SEPTIN14: variants seen among roughly 807,000 people sequenced by gnomAD.
SEPTIN14 encodes septin-14.
SEPTIN14 carries 40 observed loss-of-function variants against 53.6 expected under a neutral mutation model. The ratio of observed to expected loss-of-function variants is 0.75; its 90% confidence interval spans 0.58 to 0.97. SEPTIN14 has a LOEUF of 0.97. Ranked by LOEUF, SEPTIN14 falls within the 50% of genes least tolerant of loss-of-function variation. SEPTIN14 has a pLI of 0.00. For synonymous variants in SEPTIN14, 138 were observed against 166.8 expected (o/e 0.83, Z 1.33); for missense variants, 471 against 508.2 (o/e 0.93, Z 0.70).
intron 6 of SEPTIN14, among the ~76,000 whole-genome samples, chr7:55,833,063 C>T (rs1369726220): frequency 6.6e-6 from 1 of 151,842 alleles, no homozygotes; most frequent in African/African-American, 2.4e-5. Context: ...GCCTGTAATC[C>T]CAGCACTTTG....
intron 9 of SEPTIN14, among the ~76,000 whole-genome samples, chr7:55,800,358 T>G (rs1788505033): frequency 6.6e-6 from 1 of 152,214 alleles, no homozygotes; most frequent in African/African-American, 2.4e-5. Flanking sequence ...GCGCAGTAGC[T>G]CACACCTGTA....
At chr7:55,861,775 C>T (rs773503917) in intron 2 of SEPTIN14, among the ~76,000 whole-genome samples, 168 bp downstream of exon 2, 7 of 152,116 alleles carry the variant, frequency 4.6e-5, no homozygotes, top group African/African-American at 7.2e-5. Context: ...ATCTAAATCA[C>T]CATTGATACT....
chr7:55,794,945 C>T lies in SEPTIN14; in HGVS notation c.*968G>A, dbSNP rs1291237767. Reference sequence around the variant, plus strand: ...GGATTACAGGTGTGAGCCACCACACCTGGCCTTATTTTCTACAACTTTGAT... The same window carrying T: ...GGATTACAGGTGTGAGCCACCACACTTGGCCTTATTTTCTACAACTTTGAT... On this transcript the variant is annotated 3_prime_UTR_variant, in exon 10 of 10. Coordinates refer to ENST00000388975, the MANE Select transcript of SEPTIN14 (RefSeq NM_207366.3). 6.6e-6 allele frequency: 1 copy of T among 152,168 alleles called. No individual in the cohort carries two copies. Among genetic ancestry groups the T allele is most frequent in the Non-Finnish European group, 1.5e-5 (1 of 68,032 alleles). The allele number at this position is 152,168 out of a possible 1,614,324, so 9.4% of individuals were successfully genotyped here. A position where few individuals can be genotyped will look rare whatever the true frequency, so the allele number is the denominator to read the frequency against.
intron 6 of SEPTIN14, among the ~76,000 whole-genome samples, chr7:55,825,882 C>T (rs943063837): frequency 3.3e-5 from 5 of 152,172 alleles, no homozygotes; most frequent in African/African-American, 1.2e-4. Flanking sequence ...GCGGGTGGAT[C>T]ACGAGGTCAG....
intron 6 of SEPTIN14, among the ~76,000 whole-genome samples, chr7:55,830,704 T>A (rs746995692): frequency 1.5e-4 from 23 of 151,898 alleles, no homozygotes; most frequent in Non-Finnish European, 2.1e-4. Context: ...AATAGTTTTA[T>A]ATTCCTTTAA....
chr7:55,834,305 T>A lies in SEPTIN14; in HGVS notation c.720+120A>T, dbSNP rs1302617496. ...TGAATTAAATCTAAATAAATCTGTT[T>A]ACAAAGAATCGATTCTCAGCAGAAG... is the stretch of plus-strand genomic sequence containing the variant. On this transcript the variant is annotated intron_variant, in intron 6 of 9. Transcript: ENST00000388975. The A allele has an allele frequency of 4.6e-6, 3 of 651,466 alleles. No individual in the cohort carries two copies. The African/African-American group carries it at 5.6e-5, about 12-fold the overall frequency. 40.4% of individuals were successfully genotyped at this position (651,466 alleles called of 1,614,324 possible).
intron 9 of SEPTIN14, among the ~76,000 whole-genome samples, chr7:55,800,404 A>T (rs1308340154): frequency 6.6e-6 from 1 of 152,190 alleles, no homozygotes; most frequent in Admixed American, 6.5e-5. Context: ...CAGGTGGATC[A>T]CCTGAGGTCA....
intron 4 of SEPTIN14, 86 bp from the exon 5 acceptor site, chr7:55,843,214 A>G: frequency 1.4e-6 from 1 of 724,160 alleles, no homozygotes; most frequent in Non-Finnish European, 2.2e-6. Flanking sequence ...GTTAACATGT[A>G]TGTAAGCAGT....
At chr7:55,812,954 CTTTTT>C (rs554878767) in intron 7 of SEPTIN14, among the ~76,000 whole-genome samples, 3 of 140,504 alleles carry the variant, frequency 2.1e-5, no homozygotes, top group African/African-American at 7.8e-5. Context: ...CGACAGGAGC[CTTTTT>C]TTTTTTTTTA....
chr7:55,818,315 T>A (rs1005501510), intron 7 of SEPTIN14, among the ~76,000 whole-genome samples: 1 of 151,616 alleles, frequency 6.6e-6, no homozygotes. Context: ...CTACTAAAAA[T>A]ACAAAAATTA....
intron 7 of SEPTIN14, among the ~76,000 whole-genome samples, chr7:55,818,036 C>T (rs1788825357): frequency 6.6e-6 from 1 of 151,906 alleles, no homozygotes; most frequent in South Asian, 2.1e-4. Flanking sequence ...ATACTGTGAC[C>T]AAATTTTATG....
chr7:55,830,476 T>TGG (rs1789090349), intron 6 of SEPTIN14, among the ~76,000 whole-genome samples: 1 of 150,392 alleles, frequency 6.6e-6, no homozygotes, highest in Admixed American at 6.6e-5. Flanking sequence ...CCCGAGTTGC[T>TGG]GGGACTGGAG....
chr7:55,843,103 C>T lies in SEPTIN14; in HGVS notation c.397G>A (p.Asp133Asn). The change falls in exon 5 of 10, where the codon GAT (aspartate) becomes AAT (asparagine). Residue 133 changes from aspartate to asparagine, a missense_variant. Coordinates refer to ENST00000388975, the MANE Select transcript of SEPTIN14 (RefSeq NM_207366.3). ...ASYQPIVDYI[D>N]AQFEAYLQEE... ...TGAAGATAGGCCTCAAATTGGGCAT[C>T]TATGTAGTCAACTATTGGTTGGTAG... is the stretch of plus-strand genomic sequence containing the variant. 6.3e-7 allele frequency: 1 copy of T among 1,594,770 alleles called. No individual in the cohort carries two copies. Among genetic ancestry groups the T allele is most frequent in the Non-Finnish European group, 8.5e-7 (1 of 1,174,300 alleles).
At chr7:55,828,934 T>A (rs143596622) in intron 6 of SEPTIN14, among the ~76,000 whole-genome samples, 65 of 152,234 alleles carry the variant, frequency 4.3e-4, no homozygotes, top group African/African-American at 1.4e-3. Context: ...CTTTTCCTCT[T>A]CTCTCTCAGA....
At chr7:55,839,830 A>G (rs1584267286) in intron 5 of SEPTIN14, among the ~76,000 whole-genome samples, 1 of 152,166 alleles carries the variant, frequency 6.6e-6, no homozygotes, top group African/African-American at 2.4e-5. Flanking sequence ...ACTGAGATAA[A>G]GCCTTCAAAG....
chr7:55,844,250 T>C (rs1181903052), intron 4 of SEPTIN14, among the ~76,000 whole-genome samples: 1 of 152,042 alleles, frequency 6.6e-6, no homozygotes, highest in Non-Finnish European at 1.5e-5. Flanking sequence ...TACGGAAAAT[T>C]TGTACAAATA....
At chr7:55,806,853 C>T (rs1788617669) in intron 8 of SEPTIN14, among the ~76,000 whole-genome samples, 1 of 152,122 alleles carries the variant, frequency 6.6e-6, no homozygotes, top group African/African-American at 2.4e-5. Flanking sequence ...TACATTTCAG[C>T]ATATATACAT....
intron 2 of SEPTIN14, among the ~76,000 whole-genome samples, chr7:55,853,771 A>T (rs1041322283): frequency 1.3e-5 from 2 of 152,200 alleles, no homozygotes; most frequent in East Asian, 3.8e-4. Flanking sequence ...CTATAACAAA[A>T]TATCTCATAT....
At position 55,816,521 on chromosome 7, in the gene SEPTIN14, G is replaced by T. The variant is rs541068287; in HGVS notation, c.817+2606C>A. ...TTAAAAATTAAAAAACACAGGCCCA[G>T]TGTGGTGGCTCATGCCTGTAATCCT... is the stretch of plus-strand genomic sequence containing the variant. On this transcript the variant is annotated intron_variant, in intron 7 of 9. Transcript: ENST00000388975. 5.9e-5 allele frequency among the ~76,000 whole-genome samples: 9 copies of T among 152,072 alleles called. 1 individual carries two copies. In the South Asian group the frequency reaches 1.9e-3, roughly 32 times the overall value.
Sources: allele counts gnomAD v4.1 joint callset (sites outside exome capture counted in the v4.1 genomes callset), GRCh38; gene constraint gnomAD v4.1.1; transcripts MANE v1.5; gene names NCBI Gene and HGNC (gene_info 2026-07-23, HGNC 2026-07-21).